Variants in NFKBIE observed in about 807,000 individuals in gnomAD.
NFKBIE encodes the protein NFKB inhibitor epsilon, also known as NF-kappa-B inhibitor epsilon.
In NFKBIE, 11 loss-of-function variants were observed where a neutral mutation model predicts 31.6. The ratio of observed to expected loss-of-function variants is 0.35; its 90% confidence interval spans 0.22 to 0.58. NFKBIE has a LOEUF of 0.58. Among genes scored for constraint, NFKBIE ranks in the 20% least tolerant of loss-of-function variants. The pLI, the probability that NFKBIE is intolerant of heterozygous loss-of-function variation, is 0.83. For missense variants in NFKBIE, 354 were observed against 465.7 expected (o/e 0.76, Z 2.21); for synonymous variants, 208 against 210.1 (o/e 0.99, Z 0.09).
At chr6:44,262,366 T>C (rs1240502915) in intron 2 of NFKBIE, among the ~76,000 whole-genome samples, 194 bp downstream of exon 2, 2 of 152,198 alleles carry the variant, frequency 1.3e-5, no homozygotes, top group Non-Finnish European at 2.9e-5. Context: ...TAGCTGTTGA[T>C]ACAAGTCCCC....
At chr6:44,259,525 G>A (rs1402360537) in intron 5 of NFKBIE, among the ~76,000 whole-genome samples, 2 of 145,160 alleles carry the variant, frequency 1.4e-5, no homozygotes, top group Non-Finnish European at 3.0e-5. Context: ...AGTTAGGAGG[G>A]ACCCTTAGAG....
Position 44,263,668 on chromosome 6 carries a change from C to CTCCCACTTCCTCT in NFKBIE, c.366-1019_366-1007dup, listed in dbSNP as rs993019746. Among the ~76,000 whole-genome samples the CTCCCACTTCCTCT allele has an allele frequency of 6.6e-6, 1 of 150,876 alleles. No individual in the cohort carries two copies. Among genetic ancestry groups the CTCCCACTTCCTCT allele is most frequent in the African/African-American group, 2.4e-5 (1 of 41,298 alleles). ...TCCCTCTCTCCCCCAGTATCCCCTC[C>CTCCCACTTCCTCT]TCCCACTTCCTCTTCCCACTTCCAT... On this transcript the variant is annotated intron_variant, in intron 1 of 5. Coordinates refer to ENST00000619360, the MANE Select transcript of NFKBIE (RefSeq NM_004556.3). This position sits in a 1 kb window ranked among gnomAD's most constrained non-coding sequence, Gnocchi z 5.0.
At chr6:44,262,803 A>C (rs991159137) in intron 1 of NFKBIE, 141 bp from the exon 2 acceptor site, 5 of 631,914 alleles carry the variant, frequency 7.9e-6, no homozygotes, top group Non-Finnish European at 1.4e-5. Context: ...TGGGCCAGGA[A>C]GTGAGGGTTG....
rs2153332898 is a variant in NFKBIE, at chr6:44,263,307, G to A, written c.366-645C>T. ...AGGAGGTCTTTGTAGTGCAGAAAAT[G>A]TATTTGTTGAGGGGGCCAAGAACCT... On this transcript the variant is annotated intron_variant, in intron 1 of 5. Transcript: ENST00000619360. This position sits in a 1 kb window ranked among gnomAD's most constrained non-coding sequence, Gnocchi z 5.0. Among the ~76,000 whole-genome samples, 1 of 152,210 alleles carries A rather than the reference G, an allele frequency of 6.6e-6. No individual in the cohort carries two copies. The highest frequency in any genetic ancestry group is 6.5e-5 in the Admixed American group (1 of 15,284).
rs1781759562 is a variant in NFKBIE at position 44,258,457 on chromosome 6, CTT to C, written c.*760_*761del. The C allele has an allele frequency of 1.3e-5, 2 of 152,534 alleles. No individual in the cohort carries two copies. The highest frequency in any genetic ancestry group is 4.8e-5 in the African/African-American group (2 of 41,436). The allele number at this position is 152,534 out of a possible 1,614,324, so 9.4% of individuals were successfully genotyped here. A position where few individuals can be genotyped will look rare whatever the true frequency, so the allele number is the denominator to read the frequency against. On this transcript the variant is annotated 3_prime_UTR_variant, in exon 6 of 6. Transcript: ENST00000619360. Reference sequence around the variant, plus strand: ...GGGCGTGTGTCCTCTCATTCTTCCTCTTGTCCCTCCATCCCTCATCATTTCCA... The same window carrying C: ...GGGCGTGTGTCCTCTCATTCTTCCTCGTCCCTCCATCCCTCATCATTTCCA...
chr6:44,263,946 T>C lies in NFKBIE; in HGVS notation c.365+1036A>G, dbSNP rs1782019728. On this transcript the variant is annotated intron_variant, in intron 1 of 5. Coordinates refer to ENST00000619360, the MANE Select transcript of NFKBIE (RefSeq NM_004556.3). This position sits in a 1 kb window ranked among gnomAD's most constrained non-coding sequence, Gnocchi z 5.0. ...TGCAGCCCCCAAAACCTTGGGGTTC[T>C]GGGCCTGAGGGCTGGTGATCCAGGC... 6.6e-6 allele frequency among the ~76,000 whole-genome samples: 1 copy of C among 152,198 alleles called. No individual in the cohort carries two copies. The highest frequency in any genetic ancestry group is 2.1e-4 in the South Asian group (1 of 4,824).
Position 44,258,358 on chromosome 6 carries a change from C to G in NFKBIE, c.*861G>C, listed in dbSNP as rs1373329202. The G allele has an allele frequency of 6.6e-6, 1 of 152,394 alleles. No homozygotes were observed. The highest frequency in any genetic ancestry group is 1.5e-5 in the Non-Finnish European group (1 of 68,184). 9.4% of individuals were successfully genotyped at this position (152,394 alleles called of 1,614,324 possible). A position where few individuals can be genotyped will look rare whatever the true frequency, so the allele number is the denominator to read the frequency against. ...AAAACGTGGAGTCAGCTCCCTCGTG[C>G]CCAGCCTCCCTGGGTTACCCTTATC... On this transcript the variant is annotated 3_prime_UTR_variant, in exon 6 of 6. Coordinates refer to ENST00000619360, the MANE Select transcript of NFKBIE (RefSeq NM_004556.3).
Position 44,260,932 on chromosome 6 carries a change from A to T in NFKBIE, c.692-393T>A, listed in dbSNP as rs2153331869. Among the ~76,000 whole-genome samples, 1 of 151,220 alleles carries T rather than the reference A, an allele frequency of 6.6e-6. No homozygotes were observed. Among genetic ancestry groups the T allele is most frequent in the South Asian group, 2.1e-4 (1 of 4,764 alleles). On this transcript the variant is annotated intron_variant, in intron 3 of 5. Transcript: ENST00000619360. The surrounding 1 kb of genome is among the most constrained non-coding windows in gnomAD (Gnocchi z 5.5). ...CAGTCTGAAAGCCACCTTTTCTGAA[A>T]AGCCACCTAAGATCCTCATGCCCCC...
chr6:44,261,541 C>T lies in NFKBIE; in HGVS notation c.691+85G>A. ...GGGCACCAATGGACAAGCTGGGACC[C>T]TCCCTTCCCCAAGAGTGAGGTCCCT... On this transcript the variant is annotated intron_variant, in intron 3 of 5. Transcript: ENST00000619360. This position sits in a 1 kb window ranked among gnomAD's most constrained non-coding sequence, Gnocchi z 4.3. 7.0e-7 allele frequency: 1 copy of T among 1,432,658 alleles called. No individual in the cohort carries two copies. Among genetic ancestry groups the T allele is most frequent in the Non-Finnish European group, 9.7e-7 (1 of 1,035,374 alleles). The allele number at this position is 1,432,658 out of a possible 1,614,324, so 88.7% of individuals were successfully genotyped here. A position where few individuals can be genotyped will look rare whatever the true frequency, so the allele number is the denominator to read the frequency against.
intron 5 of NFKBIE, 150 bp downstream of exon 5, chr6:44,259,893 G>A: frequency 3.2e-6 from 4 of 1,250,286 alleles, no homozygotes; most frequent in Non-Finnish European, 3.2e-6. Context: ...GACCAACTAA[G>A]GAAACAGGCT....
chr6:44,259,979 A>G, intron 5 of NFKBIE, 64 bp downstream of exon 5: 1 of 1,571,898 alleles, frequency 6.4e-7, no homozygotes, highest in Middle Eastern at 1.7e-4. Flanking sequence ...CTTTCAGCTA[A>G]TGACAGAACC....
At chr6:44,259,790 T>C (rs575569220) in intron 5 of NFKBIE, among the ~76,000 whole-genome samples, 45 of 152,288 alleles carry the variant, frequency 3.0e-4, no homozygotes, top group Non-Finnish European at 5.0e-4. Flanking sequence ...TGGGTTCTTA[T>C]AGGCCTCACC....
intron 1 of NFKBIE, 57 bp downstream of exon 1, chr6:44,264,925 C>T (rs1199360063): frequency 6.5e-7 from 1 of 1,529,892 alleles, no homozygotes; most frequent in African/African-American, 1.4e-5. Flanking sequence ...CGACCTGTTG[C>T]GGCTCTTGGG....
In NFKBIE at chr6:44,261,830, C is replaced by T; in HGVS notation, c.487G>A (p.Val163Ile). 6.2e-7 allele frequency: 1 copy of T among 1,610,926 alleles called. No individual in the cohort carries two copies. The highest frequency in any genetic ancestry group is 8.5e-7 in the Non-Finnish European group (1 of 1,179,870). The change falls in exon 3 of 6, where the codon GTA becomes ATA. Residue 163 changes from valine to isoleucine, a missense_variant. By Grantham distance (29) the Val-to-Ile change is conservative. Coordinates refer to ENST00000619360, the MANE Select transcript of NFKBIE (RefSeq NM_004556.3). The surrounding 1 kb of genome is among the most constrained non-coding windows in gnomAD (Gnocchi z 4.3). ...ACTGCGCCCGGTTGGTCCAGATGTA[C>T]AGCCAGATGGAGTGCTGTCTGGAGG... Reference protein sequence around the residue: ...NLYQTALHLAVHLDQPGAVRA... With the variant: ...NLYQTALHLAIHLDQPGAVRA...
Position 44,261,590 on chromosome 6 carries a change from A to G in NFKBIE, c.691+36T>C. 1 of 1,600,606 alleles carries G rather than the reference A, an allele frequency of 6.2e-7. No individual in the cohort carries two copies. The highest frequency in any genetic ancestry group is 8.6e-7 in the Non-Finnish European group (1 of 1,169,186). On this transcript the variant is annotated intron_variant, in intron 3 of 5. Coordinates refer to ENST00000619360, the MANE Select transcript of NFKBIE (RefSeq NM_004556.3). The surrounding 1 kb of genome is among the most constrained non-coding windows in gnomAD (Gnocchi z 4.3). Reference sequence around the variant, plus strand: ...CTATCTCCTATGCCCTCCTCATCCCACAGGCCCTAAGGGCAGTCTTAAAGA... The same window carrying G: ...CTATCTCCTATGCCCTCCTCATCCCGCAGGCCCTAAGGGCAGTCTTAAAGA...
intron 5 of NFKBIE, 47 bp downstream of exon 5, chr6:44,259,996 T>A: frequency 6.3e-7 from 1 of 1,591,390 alleles, no homozygotes; most frequent in South Asian, 1.1e-5. Flanking sequence ...AACCTCTCTC[T>A]GCTATGGGTG....
In NFKBIE at chr6:44,265,374, G is replaced by A. The variant is rs766864686; in HGVS notation, c.-28C>T. ...CCGCGGCTCTGGCCGGCCGGGGCCC[G>A]GTCTGAGCAGGATCCGGCTCCAGGC... On this transcript the variant is annotated 5_prime_UTR_variant, in exon 1 of 6. Transcript: ENST00000619360. The A allele has an allele frequency of 6.4e-6, 10 of 1,564,188 alleles. No homozygotes were observed. The highest frequency in any genetic ancestry group is 7.7e-6 in the Non-Finnish European group (9 of 1,161,830).
chr6:44,259,225 G>T lies in NFKBIE; in HGVS notation c.1080C>A (p.Thr360=), dbSNP rs200891668. Residue 360 remains threonine, a synonymous_variant, in exon 6 of 6, where the codon ACC becomes ACA. Transcript: ENST00000619360. ...TCCCAGACCCTGCCTGGCTTCAGTC[G>T]GTACACAGCAGCAGTTTCCCTGAGA... is the stretch of plus-strand genomic sequence containing the variant. ...LKISGKLLLC[T]D 1.7e-5 allele frequency: 28 copies of T among 1,613,378 alleles called. 2 individuals carry two copies. The South Asian group carries it at 3.0e-4, about 17-fold the overall frequency.
In NFKBIE at chr6:44,260,456, C is replaced by A. The variant is rs1315059407; in HGVS notation, c.775G>T (p.Val259Leu). ...LLLRNGADID[V>L]QEGTSGKTAL... ...TGCTTTGCTGGCTGTCTCACCTGCA[C>A]ATCAATGTCAGCTCCATTCCGAAGC... The change falls in exon 4 of 6, where the codon GTG (valine) becomes TTG (leucine). Residue 259 changes from valine to leucine, a missense_variant. Transcript: ENST00000619360. This position sits in a 1 kb window ranked among gnomAD's most constrained non-coding sequence, Gnocchi z 5.5. 6.2e-7 allele frequency: 1 copy of A among 1,614,170 alleles called. No individual in the cohort carries two copies.
Sources: gnomAD v4.1 joint callset for allele counts (sites outside exome capture counted in the v4.1 genomes callset) on GRCh38, gnomAD v4.1.1 for gene constraint, Gnocchi (gnomAD v3.1) non-coding constraint, MANE v1.5 for transcripts, NCBI Gene and HGNC (gene_info 2026-07-23, HGNC 2026-07-21) for gene names.